The following PRKAR1B variants were observed in gnomAD, a reference collection of about 807,000 sequenced individuals.
PRKAR1B encodes the protein cAMP-dependent protein kinase type I-beta regulatory subunit.
A neutral mutation model predicts 46.5 loss-of-function variants in PRKAR1B; 22 were observed. The observed-to-expected ratio is 0.47, with a 90% CI of 0.34 to 0.68. The LOEUF (loss-of-function observed/expected upper bound fraction) is 0.68, where lower values mean the gene tolerates loss of function less well. PRKAR1B is among the 30% of genes least tolerant of loss of function. The pLI is 0.01. For missense variants in PRKAR1B, 445 were observed against 535.6 expected, an observed-to-expected ratio of 0.83 and a Z score of 1.67; for synonymous variants, 259 against 217.7, an observed-to-expected ratio of 1.19 and a Z score of -1.67.
At chr7:566,426 C>CCACCAT (rs1474284180) in intron 9 of PRKAR1B, among the ~76,000 whole-genome samples, 1 of 149,806 alleles carries the variant, frequency 6.7e-6, no homozygotes, top group South Asian at 2.1e-4. Flanking sequence ...ATCACCATCA[C>CCACCAT]CACCATCACC....
rs369460111 is a variant in PRKAR1B, at chr7:579,356, C to T, written c.791G>A (p.Arg264His). The change falls in exon 9 of 11, where the codon CGT becomes CAT. Residue 264 changes from arginine (R) to histidine (H), a missense_variant. By Grantham distance (29) the Arg-to-His change is conservative (BLOSUM62 0). This residue lies in a region of PRKAR1B where 51 missense variants were observed against 85.1 expected (regional missense o/e 0.60). Coordinates refer to ENST00000537384, the MANE Select transcript of PRKAR1B (RefSeq NM_001164760.2). ...CTCCAGCGCATCCGCCACGGTCAGA[C>T]GCTCCCACTTCTCCAGGGACTCTGT... ...SILESLEKWERLTVADALEPV... is the reference protein window; with the variant it reads ...SILESLEKWEHLTVADALEPV... 5.1e-5 allele frequency: 82 copies of T among 1,613,900 alleles called. No homozygotes were observed. The highest frequency in any genetic ancestry group is 1.7e-4 in the African/African-American group (13 of 74,950).
intron 4 of PRKAR1B, among the ~76,000 whole-genome samples, chr7:627,237 G>T (rs541226581): frequency 2.4e-4 from 37 of 152,266 alleles, no homozygotes; most frequent in Admixed American, 7.2e-4. Context: ...CAACCATCCC[G>T]CCTCAGCCTC....
At chr7:598,490 A>C (rs1583273993) in intron 6 of PRKAR1B, among the ~76,000 whole-genome samples, 1 of 60,490 alleles carries the variant, frequency 1.7e-5, no homozygotes, top group Non-Finnish European at 3.1e-5. Context: ...TCCACACTAA[A>C]CACCATCACC....
At chr7:717,986 G>A (rs1471787711) in intron 1 of PRKAR1B, among the ~76,000 whole-genome samples, 1 of 152,116 alleles carries the variant, frequency 6.6e-6, no homozygotes, top group African/African-American at 2.4e-5. Context: ...CTCCCTTGCT[G>A]GCTTTGAGGA....
Position 577,750 on chromosome 7 carries a change from C to G in PRKAR1B, c.891+1506G>C, listed in dbSNP as rs570125614. On this transcript the variant is annotated intron_variant, in intron 9 of 10. Transcript: ENST00000537384. ...TGGGGCACAGGTGATGCATGTGGGC[C>G]CCAAAGTGGGGCTTAGCCCACGAGG... 2.7e-4 allele frequency among the ~76,000 whole-genome samples: 41 copies of G among 152,288 alleles called. 1 individual carries two copies. Among genetic ancestry groups the G allele is most frequent in the African/African-American group, 9.6e-4 (40 of 41,566 alleles).
At chr7:581,349 G>C (rs1780177040) in intron 8 of PRKAR1B, among the ~76,000 whole-genome samples, 1 of 149,564 alleles carries the variant, frequency 6.7e-6, no homozygotes, top group South Asian at 2.1e-4. Context: ...AGAAGCTGCT[G>C]AATAATTCAG....
chr7:698,683 A>G (rs1779901891), intron 2 of PRKAR1B, among the ~76,000 whole-genome samples: 1 of 151,774 alleles, frequency 6.6e-6, no homozygotes, highest in Admixed American at 6.6e-5. Context: ...GAGTAAACTG[A>G]GTATGTCCAG....
chr7:705,894 C>T lies in PRKAR1B; in HGVS notation c.177+5435G>A, dbSNP rs187969103. On this transcript the variant is annotated intron_variant, in intron 2 of 10. Transcript: ENST00000537384. Reference sequence around the variant, plus strand: ...ATATAAAATTAGCCGGGCGTGGTGGCAGGCGCCTGTAATCCCAGCTACTCG... The same window carrying T: ...ATATAAAATTAGCCGGGCGTGGTGGTAGGCGCCTGTAATCCCAGCTACTCG... Among the ~76,000 whole-genome samples, 42 of 152,216 alleles carry T rather than the reference C, an allele frequency of 2.8e-4. 1 individual carries two copies. In the East Asian group the frequency reaches 7.9e-3, roughly 29 times the overall value.
chr7:558,922 A>C (rs1416155047), intron 9 of PRKAR1B, among the ~76,000 whole-genome samples: 2 of 152,120 alleles, frequency 1.3e-5, no homozygotes, highest in Admixed American at 6.5e-5. Flanking sequence ...GCAGACGGGG[A>C]GACAGGGTCC....
chr7:561,363 T>A (rs933643011), intron 9 of PRKAR1B, among the ~76,000 whole-genome samples: 4 of 152,194 alleles, frequency 2.6e-5, no homozygotes, highest in Non-Finnish European at 4.4e-5. Context: ...CCTGAATAAA[T>A]AAGCCCCATG....
At chr7:580,883 CCT>C (rs1390847581) in intron 8 of PRKAR1B, among the ~76,000 whole-genome samples, 6 of 152,092 alleles carry the variant, frequency 3.9e-5, no homozygotes, top group Non-Finnish European at 8.8e-5. Flanking sequence ...CTTAAAAATC[CCT>C]GTCGGCGCCG....
chr7:706,522 C>T (rs1780336705), intron 2 of PRKAR1B, among the ~76,000 whole-genome samples: 1 of 143,794 alleles, frequency 7.0e-6, no homozygotes, highest in Admixed American at 7.3e-5. Flanking sequence ...CTCCTGGGTT[C>T]AAGCAATTCT....
At chr7:638,067 A>C (rs1423331937) in intron 4 of PRKAR1B, among the ~76,000 whole-genome samples, 1 of 152,108 alleles carries the variant, frequency 6.6e-6, no homozygotes, top group Non-Finnish European at 1.5e-5. Context: ...CCCTGTGCCC[A>C]CCTAGCTGGC....
chr7:619,773 C>G (rs1412773935), intron 4 of PRKAR1B, among the ~76,000 whole-genome samples: 1 of 152,246 alleles, frequency 6.6e-6, no homozygotes, highest in Non-Finnish European at 1.5e-5. Context: ...CTTTGTGCTT[C>G]TGTTTCAAAG....
At chr7:655,646 G>A (rs1785150780) in intron 4 of PRKAR1B, among the ~76,000 whole-genome samples, 1 of 152,208 alleles carries the variant, frequency 6.6e-6, no homozygotes, top group Non-Finnish European at 1.5e-5. Flanking sequence ...GTATGGTAGG[G>A]GTGGTCTGTG....
At chr7:687,499 G>C (rs1469592662) in intron 2 of PRKAR1B, among the ~76,000 whole-genome samples, 2 of 152,184 alleles carry the variant, frequency 1.3e-5, no homozygotes, top group African/African-American at 4.8e-5. Flanking sequence ...CTGGAAAATA[G>C]ATGAAAATAT....
At chr7:579,624 T>C (rs964162570) in intron 8 of PRKAR1B, among the ~76,000 whole-genome samples, 6 of 152,236 alleles carry the variant, frequency 3.9e-5, no homozygotes, top group Admixed American at 1.3e-4. Flanking sequence ...TCTTCACCAG[T>C]TGCGGAGGGA....
chr7:692,008 TCTA>T lies in PRKAR1B; in HGVS notation c.178-11285_178-11283del, dbSNP rs550331382. On this transcript the variant is annotated intron_variant, in intron 2 of 10. Coordinates refer to ENST00000537384, the MANE Select transcript of PRKAR1B (RefSeq NM_001164760.2). ...ATACTTTCTCAAACCTTTGCATCCTTCTAATCGACCTCAGGTATCGGCTGTATG... is the reference window on the plus strand; with the variant it reads ...ATACTTTCTCAAACCTTTGCATCCTTATCGACCTCAGGTATCGGCTGTATG... 3.1e-3 allele frequency among the ~76,000 whole-genome samples: 471 copies of T among 152,348 alleles called. 9 individuals are homozygous for T. The highest frequency in any genetic ancestry group is 0.03 in the Admixed American group (453 of 15,304).
At chr7:592,961 G>T (rs994521961) in intron 7 of PRKAR1B, among the ~76,000 whole-genome samples, 15 of 152,198 alleles carry the variant, frequency 9.9e-5, no homozygotes, top group Non-Finnish European at 4.4e-5. Flanking sequence ...GCTTGAGCCG[G>T]GGAGGCGGAG....
Sources: gnomAD v4.1 joint callset for allele counts (sites outside exome capture counted in the v4.1 genomes callset) on GRCh38, gnomAD v4.1.1 for gene constraint, gnomAD v4.1.1 regional missense constraint, MANE v1.5 for transcripts, NCBI Gene and HGNC (gene_info 2026-07-23, HGNC 2026-07-21) for gene names.